MTCL1: variants seen among roughly 807,000 people sequenced by gnomAD.
MTCL1 encodes microtubule cross-linking factor 1.
MTCL1 carries 79 observed loss-of-function variants against 141.4 expected under a neutral mutation model. That is an observed-to-expected ratio of 0.56 (90% CI 0.47 to 0.67). The LOEUF is 0.67. Among genes scored for constraint, MTCL1 ranks in the 30% least tolerant of loss-of-function variants. The pLI is 0.00. For synonymous variants in MTCL1, 914 were observed against 875.8 expected (o/e 1.04, Z -0.77); for missense variants, 2,177 against 2,113.9 (o/e 1.03, Z -0.59).
chr18:8,721,480 G>A (rs2096172042), intron 4 of MTCL1, among the ~76,000 whole-genome samples: 1 of 152,162 alleles, frequency 6.6e-6, no homozygotes. Flanking sequence ...TAGCAGGCGT[G>A]CCCCTCTCTG....
At chr18:8,744,729 A>G (rs2096325935) in intron 4 of MTCL1, among the ~76,000 whole-genome samples, 1 of 152,082 alleles carries the variant, frequency 6.6e-6, no homozygotes, top group Non-Finnish European at 1.5e-5. Flanking sequence ...TTCAAGTAGC[A>G]TCTGTTAGGT....
intron 15 of MTCL1, among the ~76,000 whole-genome samples, chr18:8,827,440 G>T (rs766619120): frequency 3.3e-5 from 5 of 152,204 alleles, no homozygotes; most frequent in African/African-American, 7.2e-5. Flanking sequence ...ATTCCATATG[G>T]TTCACACCTA....
exon 15 of MTCL1, chr18:8,824,806 C>G: frequency 2.5e-6 from 4 of 1,614,184 alleles, no homozygotes; most frequent in Non-Finnish European, 2.5e-6. Flanking sequence ...GATGTCACCC[C>G]ACCCCTGTCT....
chr18:8,830,405 C>T lies in MTCL1; in HGVS notation c.*19-1202C>T, dbSNP rs982237667. ...CCCAGAGGGAGGCAGGGAAACCGCT[C>T]GCCCCATTGCTCTTCTGGAAGCCTG... is the stretch of plus-strand genomic sequence containing the variant. On this transcript the variant is annotated intron_variant, in intron 16 of 16. Coordinates refer to ENST00000359865, the Ensembl canonical transcript of MTCL1. The surrounding 1 kb of genome is among the most constrained non-coding windows in gnomAD (Gnocchi z 6.4). The T allele has an allele frequency of 7.1e-6, 7 of 985,564 alleles. No homozygotes were observed. The highest frequency in any genetic ancestry group is 8.4e-6 in the Non-Finnish European group (7 of 830,022). The allele number at this position is 985,564 out of a possible 1,614,324, so 61.1% of individuals were successfully genotyped here.
chr18:8,752,797 A>G (rs996455171), intron 4 of MTCL1, among the ~76,000 whole-genome samples: 3 of 152,174 alleles, frequency 2.0e-5, no homozygotes, highest in Non-Finnish European at 4.4e-5. Flanking sequence ...GGCTATTTCT[A>G]CAAACAACAT....
intron 4 of MTCL1, among the ~76,000 whole-genome samples, chr18:8,735,279 C>T (rs2096269742): frequency 6.6e-6 from 1 of 152,174 alleles, no homozygotes; most frequent in Non-Finnish European, 1.5e-5. Flanking sequence ...ATCAGTTCTA[C>T]TCCACTCCTC....
At chr18:8,787,701 G>A (rs991606875) in intron 7 of MTCL1, among the ~76,000 whole-genome samples, 2 of 152,266 alleles carry the variant, frequency 1.3e-5, no homozygotes, top group African/African-American at 4.8e-5. Context: ...GAAGCAGTAT[G>A]AATCAGGAGT....
exon 1 of MTCL1, chr18:8,706,596 C>T: frequency 6.6e-7 from 1 of 1,519,194 alleles, no homozygotes; most frequent in Non-Finnish European, 8.8e-7. Flanking sequence ...AGCGACCAGT[C>T]CCCGGGACCC....
At chr18:8,739,019 G>A (rs2096287724) in intron 4 of MTCL1, among the ~76,000 whole-genome samples, 1 of 152,182 alleles carries the variant, frequency 6.6e-6, no homozygotes, top group South Asian at 2.1e-4. Flanking sequence ...TGGGAGGGTT[G>A]CTTGAGGCCA....
intron 3 of MTCL1, 25 bp downstream of exon 2, chr18:8,718,673 C>T: frequency 4.4e-6 from 7 of 1,605,698 alleles, no homozygotes; most frequent in Non-Finnish European, 6.0e-6. Context: ...GGTGCGTGCA[C>T]CTCGCAAGGC....
chr18:8,786,118 C>G, intron 7 of MTCL1, 27 bp downstream of exon 6: 3 of 1,400,604 alleles, frequency 2.1e-6, no homozygotes, highest in Non-Finnish European at 2.8e-6. Flanking sequence ...AATCCCCCCC[C>G]CCCGCCCTCC....
intron 16 of MTCL1, 61 bp from the exon 15 acceptor site, chr18:8,831,546 A>T: frequency 2.0e-6 from 3 of 1,531,610 alleles, no homozygotes; most frequent in Non-Finnish European, 2.6e-6. Context: ...TGTTTGGGGG[A>T]ATCATCCACT....
At chr18:8,825,161 C>T (rs907436351) in exon 15 of MTCL1, 3 of 1,581,000 alleles carry the variant, frequency 1.9e-6, no homozygotes, top group Non-Finnish European at 2.6e-6. Context: ...TTCCCACAAG[C>T]AGAGCCAGAG....
intron 1 of MTCL1, chr18:8,707,313 TGAG>T (rs755349509): frequency 6.6e-6 from 1 of 152,238 alleles, no homozygotes; most frequent in Non-Finnish European, 1.5e-5. Flanking sequence ...TGGCCCGGGT[TGAG>T]GAGCAACGGT....
At chr18:8,723,216 G>T (rs2096184785) in intron 4 of MTCL1, among the ~76,000 whole-genome samples, 1 of 152,206 alleles carries the variant, frequency 6.6e-6, no homozygotes, top group African/African-American at 2.4e-5. Context: ...GATTAAACTG[G>T]AAGCAGAGAA....
intron 14 of MTCL1, among the ~76,000 whole-genome samples, chr18:8,824,003 C>T (rs1025439645): frequency 2.0e-5 from 3 of 152,152 alleles, no homozygotes; most frequent in African/African-American, 7.2e-5. Flanking sequence ...GACAGTGAGT[C>T]TACAGACACC....
upstream of MTCL1, among the ~76,000 whole-genome samples, chr18:8,714,726 G>A (rs534487449): frequency 1.3e-5 from 2 of 152,278 alleles, no homozygotes; most frequent in South Asian, 4.1e-4. Flanking sequence ...AGGATTATGG[G>A]AGCTACAGTT....
At chr18:8,799,259 C>T (rs1336108280) in intron 10 of MTCL1, among the ~76,000 whole-genome samples, 3 of 152,224 alleles carry the variant, frequency 2.0e-5, no homozygotes, top group East Asian at 1.9e-4. Context: ...AGCACGCTGT[C>T]GCCAGAGCCC....
upstream of MTCL1, among the ~76,000 whole-genome samples, chr18:8,717,136 G>T (rs2096133835): frequency 6.6e-6 from 1 of 152,196 alleles, no homozygotes; most frequent in Non-Finnish European, 1.5e-5. Context: ...TGCTGCTCGG[G>T]ATGCAGAGAG....
Sources: gnomAD v4.1 joint callset for allele counts (sites outside exome capture counted in the v4.1 genomes callset) on GRCh38, gnomAD v4.1.1 for gene constraint, Gnocchi (gnomAD v3.1) non-coding constraint, MANE v1.5 for transcripts, NCBI Gene and HGNC (gene_info 2026-07-23, HGNC 2026-07-21) for gene names.